Variants in PTPRD observed in about 807,000 individuals in gnomAD.
PTPRD encodes receptor-type tyrosine-protein phosphatase delta.
A neutral mutation model predicts 214.5 loss-of-function variants in PTPRD; 34 were observed. The observed-to-expected ratio is 0.16, with a 90% CI of 0.12 to 0.21. The LOEUF (loss-of-function observed/expected upper bound fraction) is 0.21. PTPRD is among the 10% of genes least tolerant of loss of function. The probability of loss-of-function intolerance (pLI) is 1.00; values close to 1 mark genes in which losing one functional copy is unlikely to be tolerated. For missense variants in PTPRD, 2,545 were observed against 2,398.7 expected (o/e 1.06, Z -1.27); for synonymous variants, 1,128 against 845.7 (o/e 1.33, Z -5.79).
intron 11 of PTPRD, among the ~76,000 whole-genome samples, chr9:8,871,107 C>T (rs1022863713): frequency 7.2e-5 from 11 of 152,098 alleles, no homozygotes; most frequent in African/African-American, 2.7e-4. Flanking sequence ...TTGGCAATGC[C>T]CGCTCCCTTG....
intron 45 of PTPRD, 121 bp from the exon 46 acceptor site, chr9:8,318,063 T>A: frequency 1.2e-6 from 1 of 857,032 alleles, no homozygotes; most frequent in East Asian, 2.7e-5. Flanking sequence ...ATCACTACTT[T>A]CGTCAACTGG....
chr9:10,074,819 G>A (rs186133303), intron 3 of PTPRD, among the ~76,000 whole-genome samples: 9 of 152,170 alleles, frequency 5.9e-5, no homozygotes, highest in Admixed American at 3.3e-4. Context: ...GCATCAATCC[G>A]AAGCCATCTG....
intron 3 of PTPRD, among the ~76,000 whole-genome samples, chr9:10,165,622 T>A (rs187501165): frequency 1.5e-3 from 235 of 151,770 alleles, no homozygotes; most frequent in African/African-American, 5.2e-3. Flanking sequence ...TGCTTTCAAA[T>A]TAAGAATAAA....
At chr9:10,164,475 GA>G (rs752100787) in intron 3 of PTPRD, among the ~76,000 whole-genome samples, 8 of 148,210 alleles carry the variant, frequency 5.4e-5, no homozygotes, top group African/African-American at 9.9e-5. Context: ...GATGTTACCT[GA>G]AAAAAAAAAT....
intron 35 of PTPRD, among the ~76,000 whole-genome samples, chr9:8,430,946 A>T (rs1208164106): frequency 6.6e-6 from 1 of 152,208 alleles, no homozygotes; most frequent in Non-Finnish European, 1.5e-5. Flanking sequence ...TTTGACAACT[A>T]CAAACTCCAG....
rs1287653274 is a variant in PTPRD, at chr9:9,463,011, T to C, written c.-236-65529A>G. ...AACTGACTACCAAAAGTAAAAAAGA[T>C]TGTTTGTGGCATCTAGTTTCCAAGA... On this transcript the variant is annotated intron_variant, in intron 8 of 45. Transcript: ENST00000381196. Among the ~76,000 whole-genome samples, 8 of 152,160 alleles carry C rather than the reference T, an allele frequency of 5.3e-5. No homozygotes were observed. In the East Asian group the frequency reaches 1.4e-3, roughly 26 times the overall value.
At chr9:9,937,877 A>T (rs1054815004) in intron 5 of PTPRD, among the ~76,000 whole-genome samples, 1 of 152,194 alleles carries the variant, frequency 6.6e-6, no homozygotes, top group African/African-American at 2.4e-5. Flanking sequence ...CCAAAGTTTC[A>T]TATTAATGTT....
chr9:10,347,545 G>C (rs2097107961), intron 2 of PTPRD, among the ~76,000 whole-genome samples: 1 of 151,274 alleles, frequency 6.6e-6, no homozygotes, highest in African/African-American at 2.4e-5. Context: ...CAAGTAGCTG[G>C]GATTACAGGT....
intron 9 of PTPRD, among the ~76,000 whole-genome samples, chr9:9,205,971 G>T (rs2099944638): frequency 6.6e-6 from 1 of 152,152 alleles, no homozygotes; most frequent in Admixed American, 6.5e-5. Context: ...AGAGGGTGGG[G>T]TTATTTTATC....
chr9:10,102,447 C>T (rs1173567278), intron 3 of PTPRD, among the ~76,000 whole-genome samples: 1 of 151,500 alleles, frequency 6.6e-6, no homozygotes, highest in Non-Finnish European at 1.5e-5. Context: ...TTAAAACTCC[C>T]TAGAACTAAT....
At chr9:8,598,042 T>C (rs1460677590) in intron 14 of PTPRD, among the ~76,000 whole-genome samples, 2 of 152,126 alleles carry the variant, frequency 1.3e-5, no homozygotes, top group African/African-American at 4.8e-5. Flanking sequence ...ATCCCCTTAC[T>C]AGTTAGAGAA....
chr9:8,639,446 G>A (rs1480549571), intron 12 of PTPRD, among the ~76,000 whole-genome samples: 6 of 152,076 alleles, frequency 3.9e-5, no homozygotes, highest in Admixed American at 1.3e-4. Context: ...ACTGTCAACC[G>A]GGAAGGAAAA....
At chr9:9,077,882 A>C (rs1019109407) in intron 10 of PTPRD, among the ~76,000 whole-genome samples, 2 of 152,082 alleles carry the variant, frequency 1.3e-5, no homozygotes, top group African/African-American at 4.8e-5. Flanking sequence ...CTTTCTCTCA[A>C]ACTTGAATGA....
chr9:10,355,079 T>A (rs957779237), intron 2 of PTPRD, among the ~76,000 whole-genome samples: 1 of 152,234 alleles, frequency 6.6e-6, no homozygotes, highest in Non-Finnish European at 1.5e-5. Context: ...TATATATTTC[T>A]ACTTTGGCAA....
At chr9:9,462,167 CTT>C (rs1211372668) in intron 8 of PTPRD, among the ~76,000 whole-genome samples, 3 of 152,058 alleles carry the variant, frequency 2.0e-5, no homozygotes, top group African/African-American at 7.2e-5. Flanking sequence ...AGTGAGTAGA[CTT>C]TCAATATCGG....
intron 3 of PTPRD, among the ~76,000 whole-genome samples, chr9:10,327,698 A>T (rs2096669753): frequency 6.6e-6 from 1 of 151,750 alleles, no homozygotes. Context: ...GCTATTTGAA[A>T]CTATTTTTTT....
chr9:8,976,534 G>T (rs1477984984), intron 11 of PTPRD, among the ~76,000 whole-genome samples: 1 of 152,080 alleles, frequency 6.6e-6, no homozygotes, highest in African/African-American at 2.4e-5. Flanking sequence ...GCCAATACAA[G>T]TATTTGTTTA....
intron 30 of PTPRD, among the ~76,000 whole-genome samples, chr9:8,478,642 C>G (rs2096817222): frequency 6.6e-6 from 1 of 152,126 alleles, no homozygotes; most frequent in Non-Finnish European, 1.5e-5. Context: ...GACTGGCATT[C>G]TGCTCCCCAA....
In PTPRD at chr9:10,059,779, G is replaced by T. The variant is rs185326542; in HGVS notation, c.-544-25989C>A. On this transcript the variant is annotated intron_variant, in intron 3 of 45. Coordinates refer to ENST00000381196, the MANE Select transcript of PTPRD (RefSeq NM_002839.4). ...TTGAGAACAATAATAAAATATTTAA[G>T]AAATTAAAAAAAAAACACTAAGCTT... is the stretch of plus-strand genomic sequence containing the variant. Among the ~76,000 whole-genome samples, 700 of 133,068 alleles carry T rather than the reference G, an allele frequency of 5.3e-3. 7 individuals carry two copies. The highest frequency in any genetic ancestry group is 0.02 in the African/African-American group (646 of 32,332). 87.3% of individuals were successfully genotyped at this position (133,068 alleles called of 152,430 possible). A position where few individuals can be genotyped will look rare whatever the true frequency, so the allele number is the denominator to read the frequency against.
Sources: allele counts gnomAD v4.1 joint callset (sites outside exome capture counted in the v4.1 genomes callset), GRCh38; gene constraint gnomAD v4.1.1; transcripts MANE v1.5; gene names NCBI Gene and HGNC (gene_info 2026-07-23, HGNC 2026-07-21).